PDZRN4: variants seen among roughly 807,000 people sequenced by gnomAD.
The protein encoded by PDZRN4 is PDZ domain-containing RING finger protein 4.
In PDZRN4, 70 loss-of-function variants were observed where a neutral mutation model predicts 99.0. The observed-to-expected ratio is 0.71, with a 90% CI of 0.58 to 0.86. PDZRN4 has a LOEUF of 0.86. Among genes scored for constraint, PDZRN4 ranks in the 40% least tolerant of loss-of-function variants. The pLI, the probability that PDZRN4 is intolerant of heterozygous loss-of-function variation, is 0.00. For synonymous variants in PDZRN4, 551 were observed against 501.6 expected (o/e 1.10, Z -1.32); for missense variants, 1,474 against 1,331.2 (o/e 1.11, Z -1.67).
chr12:41,223,762 T>A (rs1390096453), intron 3 of PDZRN4, among the ~76,000 whole-genome samples: 1 of 152,122 alleles, frequency 6.6e-6, no homozygotes, highest in African/African-American at 2.4e-5. Flanking sequence ...CCATTTTCTC[T>A]GTGGAATGGC....
chr12:41,189,523 T>C (rs997454994), intron 1 of PDZRN4, among the ~76,000 whole-genome samples: 2 of 152,044 alleles, frequency 1.3e-5, no homozygotes, highest in Non-Finnish European at 2.9e-5. Flanking sequence ...GCCTTTCCTC[T>C]CCCGCGGCCA....
intron 3 of PDZRN4, among the ~76,000 whole-genome samples, chr12:41,403,622 G>C (rs1019034135): frequency 5.3e-5 from 8 of 152,240 alleles, no homozygotes; most frequent in African/African-American, 1.9e-4. Context: ...ACAGGAAAGA[G>C]TAAGCATATT....
intron 3 of PDZRN4, among the ~76,000 whole-genome samples, chr12:41,422,823 T>C (rs1952503573): frequency 6.6e-6 from 1 of 152,156 alleles, no homozygotes; most frequent in African/African-American, 2.4e-5. Flanking sequence ...TTCATAAATA[T>C]ATACATACAC....
At chr12:41,370,648 G>A (rs1592031437) in intron 3 of PDZRN4, among the ~76,000 whole-genome samples, 1 of 151,778 alleles carries the variant, frequency 6.6e-6, no homozygotes, top group Non-Finnish European at 1.5e-5. Context: ...TCATTCTCCT[G>A]CATTTTCCCC....
intron 3 of PDZRN4, among the ~76,000 whole-genome samples, chr12:41,371,654 C>T (rs1191601697): frequency 6.6e-6 from 1 of 152,056 alleles, no homozygotes; most frequent in Non-Finnish European, 1.5e-5. Flanking sequence ...TTGGTTTTCG[C>T]TTTATTTTTG....
At chr12:41,515,514 T>G (rs940777481) in intron 5 of PDZRN4, among the ~76,000 whole-genome samples, 1 of 151,996 alleles carries the variant, frequency 6.6e-6, no homozygotes. Context: ...AGTGTGAAAA[T>G]TTTTTATTAC....
At chr12:41,221,673 C>T (rs557704439) in intron 3 of PDZRN4, among the ~76,000 whole-genome samples, 1 of 151,932 alleles carries the variant, frequency 6.6e-6, no homozygotes, top group Admixed American at 6.6e-5. Flanking sequence ...GCTTCTAGAT[C>T]GCAAGCAGTT....
intron 3 of PDZRN4, among the ~76,000 whole-genome samples, chr12:41,402,177 G>GTATACA (rs1952296592): frequency 3.5e-5 from 2 of 56,546 alleles, no homozygotes; most frequent in Admixed American, 1.7e-4. Context: ...TACACACTGA[G>GTATACA]TATATATATA....
intron 3 of PDZRN4, among the ~76,000 whole-genome samples, chr12:41,383,792 G>C (rs1025359343): frequency 6.6e-6 from 1 of 152,118 alleles, no homozygotes; most frequent in Non-Finnish European, 1.5e-5. Flanking sequence ...GCAGACACCA[G>C]AATGTTACTT....
At chr12:41,559,182 CAT>C (rs1338832967) in intron 7 of PDZRN4, among the ~76,000 whole-genome samples, 1 of 80,448 alleles carries the variant, frequency 1.2e-5, no homozygotes, top group East Asian at 7.6e-4. Context: ...CACACACATA[CAT>C]ACACACACAC....
In PDZRN4 at chr12:41,563,572, C is replaced by G; in HGVS notation, c.1390C>G (p.Arg464Gly). The change falls in exon 8 of 10, where the codon CGA (arginine) becomes GGA (glycine). Residue 464 changes from arginine (R) to glycine (G), a missense_variant. Transcript: ENST00000402685. The part of the protein sequence containing the change: ...LQINGEDVQN[R>G]EEAVALLSND... Reference sequence around the variant, plus strand: ...GATAAATGGGGAAGATGTCCAGAATCGAGAAGAAGCAGTGGCCTTGCTGTC... The same window carrying G: ...GATAAATGGGGAAGATGTCCAGAATGGAGAAGAAGCAGTGGCCTTGCTGTC... 1 of 1,613,130 alleles carries G rather than the reference C, an allele frequency of 6.2e-7. No individual in the cohort carries two copies. The highest frequency in any genetic ancestry group is 8.5e-7 in the Non-Finnish European group (1 of 1,179,332).
intron 7 of PDZRN4, among the ~76,000 whole-genome samples, chr12:41,562,991 G>A (rs1355613385): frequency 6.6e-6 from 1 of 152,186 alleles, no homozygotes; most frequent in African/African-American, 2.4e-5. Flanking sequence ...ACTTTGATCA[G>A]TTAAACACTG....
At chr12:41,539,059 T>A (rs1426280977) in intron 5 of PDZRN4, among the ~76,000 whole-genome samples, 1 of 152,006 alleles carries the variant, frequency 6.6e-6, no homozygotes, top group Admixed American at 6.6e-5. Flanking sequence ...TTAGAAGGTA[T>A]GTGCACATGC....
intron 3 of PDZRN4, among the ~76,000 whole-genome samples, chr12:41,402,046 C>A (rs188575196): frequency 1.5e-4 from 21 of 140,720 alleles, no homozygotes; most frequent in Non-Finnish European, 4.5e-5. Context: ...TAACTTCTTC[C>A]CACTCCTCCC....
chr12:41,393,766 G>A (rs1952226570), intron 3 of PDZRN4, among the ~76,000 whole-genome samples: 1 of 152,146 alleles, frequency 6.6e-6, no homozygotes, highest in Non-Finnish European at 1.5e-5. Context: ...AGCTAATCTG[G>A]AGGACCCAAG....
At chr12:41,261,084 C>T (rs1015303383) in intron 3 of PDZRN4, among the ~76,000 whole-genome samples, 1 of 152,074 alleles carries the variant, frequency 6.6e-6, no homozygotes, top group Non-Finnish European at 1.5e-5. Flanking sequence ...TTCCATAGCA[C>T]ATCCCAGTTT....
chr12:41,288,862 A>G (rs890030504), intron 3 of PDZRN4, among the ~76,000 whole-genome samples: 1 of 152,130 alleles, frequency 6.6e-6, no homozygotes, highest in Non-Finnish European at 1.5e-5. Context: ...TTCTGTATGT[A>G]TTAATTTTTC....
intron 3 of PDZRN4, among the ~76,000 whole-genome samples, chr12:41,487,064 T>C (rs1937791184): frequency 6.6e-6 from 1 of 152,202 alleles, no homozygotes; most frequent in Non-Finnish European, 1.5e-5. Flanking sequence ...CATTGTTTTA[T>C]ATTTTTTTCA....
At chr12:41,373,409 C>T (rs1038320804) in intron 3 of PDZRN4, among the ~76,000 whole-genome samples, 1 of 152,074 alleles carries the variant, frequency 6.6e-6, no homozygotes, top group African/African-American at 2.4e-5. Context: ...GACAGCCGCC[C>T]CTGAAGCAGC....
Sources: allele counts gnomAD v4.1 joint callset (sites outside exome capture counted in the v4.1 genomes callset), GRCh38; gene constraint gnomAD v4.1.1; transcripts MANE v1.5; gene names NCBI Gene and HGNC (gene_info 2026-07-23, HGNC 2026-07-21).